The following ARL3 variants were observed in gnomAD, a reference collection of about 807,000 sequenced individuals.
ARL3 encodes the protein ADP-ribosylation factor-like protein 3.
Under a neutral mutation model 26.0 loss-of-function variants are expected in ARL3, and 9 were observed. The observed-to-expected ratio is 0.35, with a 90% CI of 0.21 to 0.60. ARL3 has a LOEUF of 0.60. ARL3 is among the 20% of genes least tolerant of loss of function. ARL3 has a pLI of 0.78. For synonymous variants in ARL3, 71 were observed against 78.4 expected, an observed-to-expected ratio of 0.91 and a Z score of 0.50; for missense variants, 158 against 215.7, an observed-to-expected ratio of 0.73 and a Z score of 1.67.
intron 3 of ARL3, among the ~76,000 whole-genome samples, chr10:102,695,961 G>A (rs1035572678): frequency 2.6e-5 from 4 of 151,390 alleles, no homozygotes; most frequent in South Asian, 2.1e-4. Flanking sequence ...CACCATGCCC[G>A]GCCTTATTTT....
At chr10:102,714,026 T>C (rs2064365369) in intron 1 of ARL3, among the ~76,000 whole-genome samples, 1 of 152,116 alleles carries the variant, frequency 6.6e-6, no homozygotes, top group Admixed American at 6.5e-5. Context: ...AGCCGCGCAC[T>C]CTGCCAGCCC....
At position 102,689,941 on chromosome 10, in the gene ARL3, T is replaced by C; in HGVS notation, c.267A>G (p.Ile89Met). 1 of 1,589,028 alleles carries C rather than the reference T, an allele frequency of 6.3e-7. No individual in the cohort carries two copies. Among genetic ancestry groups the C allele is most frequent in the Non-Finnish European group, 8.6e-7 (1 of 1,165,206 alleles). The change falls in exon 4 of 6, where the codon ATA (isoleucine) becomes ATG (methionine). Residue 89 changes from isoleucine (I) to methionine (M), a missense_variant and splice_region_variant. Coordinates refer to ENST00000260746, the MANE Select transcript of ARL3 (RefSeq NM_004311.4). ...TTCTGTCTGCACTGTCGATTACATA[T>C]ATCTATAAAGGAAAAGAAGAAGGTT... is the stretch of plus-strand genomic sequence containing the variant. Reference protein sequence around the residue: ...KNYFENTDILIYVIDSADRKR... With the variant: ...KNYFENTDILMYVIDSADRKR...
At chr10:102,681,649 G>T (rs2064156751) in intron 5 of ARL3, among the ~76,000 whole-genome samples, 1 of 152,060 alleles carries the variant, frequency 6.6e-6, no homozygotes, top group Non-Finnish European at 1.5e-5. Flanking sequence ...GACATCACAA[G>T]AAAAGGTGAG....
rs2064324841 is a variant in ARL3 at position 102,709,024 on chromosome 10, C to T, written c.4-3535G>A. On this transcript the variant is annotated intron_variant, in intron 1 of 5. Transcript: ENST00000260746. Reference sequence around the variant, plus strand: ...GGCTCAGGTGATCCTTCCACCTCAGCCTCCGGAGTAGCTGGGACTATAGAT... The same window carrying T: ...GGCTCAGGTGATCCTTCCACCTCAGTCTCCGGAGTAGCTGGGACTATAGAT... Among the ~76,000 whole-genome samples, 12 of 150,606 alleles carry T rather than the reference C, an allele frequency of 8.0e-5. No individual in the cohort carries two copies. In the South Asian group the frequency reaches 2.5e-3, roughly 32 times the overall value.
chr10:102,714,291 C>T lies in ARL3; in HGVS notation c.-16G>A, dbSNP rs2064369154. The T allele has an allele frequency of 6.3e-6, 6 of 951,670 alleles. No homozygotes were observed. In the South Asian group the frequency reaches 1.1e-4, roughly 17 times the overall value. 59.0% of individuals were successfully genotyped at this position (951,670 alleles called of 1,614,324 possible). A position where few individuals can be genotyped will look rare whatever the true frequency, so the allele number is the denominator to read the frequency against. The stretch of plus-strand genomic sequence containing the variant: ...CACTCACCATCCTCCCGCCGAGTCC[C>T]TCCTCCTCCTCCTCCTCCTGCTGCC... On this transcript the variant is annotated 5_prime_UTR_variant, in exon 1 of 6. Transcript: ENST00000260746.
chr10:102,701,791 G>A (rs531382560), intron 2 of ARL3, among the ~76,000 whole-genome samples: 1 of 152,066 alleles, frequency 6.6e-6, no homozygotes, highest in Non-Finnish European at 1.5e-5. Context: ...TTATTCTGAG[G>A]AAATAATAAT....
chr10:102,709,616 T>C (rs1342157823), intron 1 of ARL3, among the ~76,000 whole-genome samples: 4 of 137,504 alleles, frequency 2.9e-5, no homozygotes, highest in Non-Finnish European at 4.6e-5. Flanking sequence ...CACTGCATTA[T>C]GGGCTAGGTG....
intron 3 of ARL3, among the ~76,000 whole-genome samples, chr10:102,691,587 T>C (rs1404091571): frequency 6.6e-6 from 1 of 152,106 alleles, no homozygotes; most frequent in Non-Finnish European, 1.5e-5. Context: ...TTGGCGTTTT[T>C]CTCCCCAACC....
chr10:102,711,863 C>G (rs928508476), intron 1 of ARL3, among the ~76,000 whole-genome samples: 1 of 152,078 alleles, frequency 6.6e-6, no homozygotes, highest in African/African-American at 2.4e-5. Context: ...CACATAACAG[C>G]CACTGAAAAG....
At chr10:102,679,322 A>T (rs1188555190) in intron 5 of ARL3, among the ~76,000 whole-genome samples, 1 of 152,256 alleles carries the variant, frequency 6.6e-6, no homozygotes, top group African/African-American at 2.4e-5. Context: ...GGAGGCTCCC[A>T]TCAGACTTGC....
chr10:102,684,358 C>G, intron 5 of ARL3, among the ~76,000 whole-genome samples: 1 of 151,892 alleles, frequency 6.6e-6, no homozygotes, highest in East Asian at 1.9e-4. Flanking sequence ...ACTGTGTTAG[C>G]CAGGATGGTC....
At chr10:102,690,602 T>C (rs2064211998) in intron 3 of ARL3, among the ~76,000 whole-genome samples, 1 of 152,212 alleles carries the variant, frequency 6.6e-6, no homozygotes, top group African/African-American at 2.4e-5. Flanking sequence ...GTTTAAATTA[T>C]GTTAAGTTTA....
chr10:102,690,112 C>A (rs1231717388), intron 3 of ARL3, among the ~76,000 whole-genome samples, 169 bp from the exon 4 acceptor site: 1 of 151,988 alleles, frequency 6.6e-6, no homozygotes, highest in South Asian at 2.1e-4. Context: ...AACAAATACA[C>A]AAATTAATTA....
rs1442647015 is a variant in ARL3, at chr10:102,686,220, C to T, written c.316-219G>A. On this transcript the variant is annotated intron_variant, in intron 4 of 5. Coordinates refer to ENST00000260746, the MANE Select transcript of ARL3 (RefSeq NM_004311.4). The stretch of plus-strand genomic sequence containing the variant: ...CTGAGTAGCTGGGACTACAGGCATG[C>T]ACCACCACACTCAGCTAATTTTTGT... Among the ~76,000 whole-genome samples the T allele has an allele frequency of 7.9e-5, 12 of 151,546 alleles. 1 individual carries two copies. Among genetic ancestry groups the T allele is most frequent in the Non-Finnish European group, 4.4e-5 (3 of 67,908 alleles).
At position 102,674,123 on chromosome 10, in the gene ARL3, G is replaced by C. The variant is rs2064118438; in HGVS notation, c.*2771C>G. On this transcript the variant is annotated 3_prime_UTR_variant, in exon 6 of 6. Coordinates refer to ENST00000260746, the MANE Select transcript of ARL3 (RefSeq NM_004311.4). Reference sequence around the variant, plus strand: ...AGTCCAGAGGGGAATAAAGAAATTTGTCAAAAGCAAGGAGAGAGAAGTGGA... The same window carrying C: ...AGTCCAGAGGGGAATAAAGAAATTTCTCAAAAGCAAGGAGAGAGAAGTGGA... The C allele has an allele frequency of 6.6e-6, 1 of 152,636 alleles. No individual in the cohort carries two copies. Among genetic ancestry groups the C allele is most frequent in the Non-Finnish European group, 1.5e-5 (1 of 68,042 alleles). The allele number at this position is 152,636 out of a possible 1,614,324, so 9.5% of individuals were successfully genotyped here.
At chr10:102,713,398 G>T (rs762401537) in intron 1 of ARL3, among the ~76,000 whole-genome samples, 23 of 152,224 alleles carry the variant, frequency 1.5e-4, no homozygotes, top group African/African-American at 5.3e-4. Flanking sequence ...GCCTTGCCCC[G>T]GATTGAAGTT....
intron 5 of ARL3, among the ~76,000 whole-genome samples, chr10:102,678,254 G>A (rs1413695846): frequency 6.6e-6 from 1 of 152,236 alleles, no homozygotes; most frequent in Non-Finnish European, 1.5e-5. Flanking sequence ...AAGGGCAGAG[G>A]AATGCCGAGG....
At chr10:102,687,757 G>A (rs950954627) in intron 4 of ARL3, among the ~76,000 whole-genome samples, 2 of 152,068 alleles carry the variant, frequency 1.3e-5, no homozygotes, top group African/African-American at 4.8e-5. Flanking sequence ...GAACTCCTGG[G>A]CTCAAGGGAT....
At chr10:102,697,457 G>C (rs533496314) in intron 3 of ARL3, among the ~76,000 whole-genome samples, 1 of 152,172 alleles carries the variant, frequency 6.6e-6, no homozygotes, top group African/African-American at 2.4e-5. Context: ...GATTACAGGC[G>C]TGAGCCGCTG....
Sources: gnomAD v4.1 joint callset for allele counts (sites outside exome capture counted in the v4.1 genomes callset) on GRCh38, gnomAD v4.1.1 for gene constraint, MANE v1.5 for transcripts, NCBI Gene and HGNC (gene_info 2026-07-23, HGNC 2026-07-21) for gene names.